GALNTL5: variants seen among roughly 807,000 people sequenced by gnomAD.
The protein encoded by GALNTL5 is polypeptide N-acetylgalactosaminyltransferase like 5.
In GALNTL5, 44 loss-of-function variants were observed where a neutral mutation model predicts 51.0. The observed-to-expected ratio is 0.86, with a 90% CI of 0.68 to 1.11. GALNTL5 has a LOEUF of 1.11. Ranked by LOEUF, GALNTL5 falls within the 50% of genes least tolerant of loss-of-function variation. The pLI is 0.00. For missense variants in GALNTL5, 528 were observed against 531.8 expected (o/e 0.99, Z 0.07); for synonymous variants, 192 against 182.8 (o/e 1.05, Z -0.41).
chr7:151,961,300 G>GA (rs34526438), intron 1 of GALNTL5, among the ~76,000 whole-genome samples: 4,816 of 151,738 alleles, frequency 0.032, 115 homozygotes, highest in South Asian at 0.088. Flanking sequence ...TCAGGAGTTC[G>GA]AAACCAGCCT....
rs769699726 is a variant in GALNTL5 at position 151,983,073 on chromosome 7, G to C, written c.456G>C (p.Gln152His). Residue 152 changes from glutamine (Q) to histidine (H), a missense_variant, in exon 4 of 9, where the codon CAG (glutamine) becomes CAC (histidine). By Grantham distance (24) the Gln-to-His change is conservative. Coordinates refer to ENST00000392800, the MANE Select transcript of GALNTL5 (RefSeq NM_145292.4). Reference protein sequence around the residue: ...FYNEECNALFQTMSSVTNLTP... With the variant: ...FYNEECNALFHTMSSVTNLTP... ...ATGAAGAATGTAATGCCTTGTTTCA[G>C]ACCATGTCCAGTGTCACGAACCTCA... 1.2e-6 allele frequency: 2 copies of C among 1,614,192 alleles called. No individual in the cohort carries two copies.
chr7:152,015,770 C>A (rs971872497), intron 8 of GALNTL5, among the ~76,000 whole-genome samples: 2 of 152,128 alleles, frequency 1.3e-5, no homozygotes, highest in African/African-American at 4.8e-5. Context: ...CGACCAACAG[C>A]CAAAGATTTC....
chr7:152,019,171 A>G (rs35995263), intron 8 of GALNTL5, among the ~76,000 whole-genome samples: 4,571 of 152,248 alleles, frequency 0.03, 99 homozygotes, highest in Non-Finnish European at 0.046. Flanking sequence ...TCGCAAGGGG[A>G]AGACTTGCCT....
chr7:151,961,615 A>G (rs1035249884), intron 1 of GALNTL5, among the ~76,000 whole-genome samples: 1 of 152,238 alleles, frequency 6.6e-6, no homozygotes, highest in Non-Finnish European at 1.5e-5. Context: ...TGAGCAAATC[A>G]GAGTGTGGGT....
chr7:151,971,142 G>GATAA (rs2081133016), intron 3 of GALNTL5, 77 bp downstream of exon 3: 3 of 1,188,802 alleles, frequency 2.5e-6, no homozygotes, highest in Admixed American at 2.1e-5. Flanking sequence ...TAGATAGAAA[G>GATAA]AAAACAGTTA....
intron 7 of GALNTL5, among the ~76,000 whole-genome samples, chr7:152,008,581 G>A (rs1371516603): frequency 6.7e-6 from 1 of 148,326 alleles, no homozygotes; most frequent in African/African-American, 2.5e-5. Context: ...TCCTTCTTTT[G>A]GCCAGTTATT....
chr7:152,009,183 A>C (rs751807317), intron 7 of GALNTL5, among the ~76,000 whole-genome samples: 2 of 152,156 alleles, frequency 1.3e-5, no homozygotes, highest in Non-Finnish European at 2.9e-5. Flanking sequence ...TAACCACGAC[A>C]AGTAACCTTG....
intron 3 of GALNTL5, among the ~76,000 whole-genome samples, chr7:151,975,013 G>T (rs544748674): frequency 4.6e-4 from 70 of 152,040 alleles, no homozygotes; most frequent in Non-Finnish European, 9.7e-4. Context: ...AGCCATTATT[G>T]TAATAGCCAT....
chr7:152,019,543 A>T, intron 8 of GALNTL5, 103 bp from the exon 9 acceptor site: 1 of 1,167,294 alleles, frequency 8.6e-7, no homozygotes. Context: ...GGGCTTTTTT[A>T]GTTCACATGA....
At chr7:152,005,833 A>G (rs1302020503) in intron 6 of GALNTL5, among the ~76,000 whole-genome samples, 3 of 152,214 alleles carry the variant, frequency 2.0e-5, no homozygotes, top group South Asian at 2.1e-4. Flanking sequence ...ATAACATGAT[A>G]TGACATTTAT....
At chr7:151,985,041 C>G (rs73161847) in intron 4 of GALNTL5, among the ~76,000 whole-genome samples, 31,329 of 152,092 alleles carry the variant, frequency 0.21, 3,911 homozygotes, top group Middle Eastern at 0.33. Flanking sequence ...GATGAGGGTG[C>G]CAGCAGGATC....
chr7:151,965,360 T>C (rs957882808), intron 1 of GALNTL5, among the ~76,000 whole-genome samples: 6 of 152,208 alleles, frequency 3.9e-5, no homozygotes, highest in African/African-American at 7.2e-5. Context: ...TTTATTCTTA[T>C]TCAGTTGAGT....
Position 152,002,944 on chromosome 7 carries a change from G to T in GALNTL5, c.889G>T (p.Gly297Ter). ...VFSYEMDGPE[G>*]STKPIRSPAM... ...CTCTTATGAGATGGATGGACCAGAA[G>T]GATCTACTAAACCAATCCGGTGAGA... The change falls in exon 6 of 9, where the codon GGA becomes TGA. Residue 297 changes from glycine (G) to a stop codon, truncating the protein, a stop_gained. Coordinates refer to ENST00000392800, the MANE Select transcript of GALNTL5 (RefSeq NM_145292.4). LOFTEE classifies it high-confidence loss of function. The T allele has an allele frequency of 2.5e-6, 4 of 1,614,028 alleles. No homozygotes were observed. Among genetic ancestry groups the T allele is most frequent in the Non-Finnish European group, 3.4e-6 (4 of 1,179,926 alleles).
chr7:151,974,346 T>C (rs572366241), intron 3 of GALNTL5, among the ~76,000 whole-genome samples: 27 of 152,356 alleles, frequency 1.8e-4, no homozygotes, highest in African/African-American at 6.5e-4. Flanking sequence ...GGTTCATCTA[T>C]GTTGTAGTGT....
intron 1 of GALNTL5, chr7:151,960,467 C>G (rs2080977838): frequency 6.6e-6 from 1 of 152,264 alleles, no homozygotes; most frequent in South Asian, 2.1e-4. Context: ...AACCATCATA[C>G]TAGGTCAAGT....
At chr7:151,988,365 A>G (rs2081387177) in intron 5 of GALNTL5, among the ~76,000 whole-genome samples, 1 of 152,212 alleles carries the variant, frequency 6.6e-6, no homozygotes, top group African/African-American at 2.4e-5. Flanking sequence ...GAATGTTGGC[A>G]GAACGCTGAG....
At chr7:151,998,064 C>T (rs1406657849) in intron 5 of GALNTL5, among the ~76,000 whole-genome samples, 3 of 152,046 alleles carry the variant, frequency 2.0e-5, no homozygotes, top group African/African-American at 4.8e-5. Context: ...AAAAAGTAGG[C>T]GAGTGTGTTG....
At chr7:152,011,441 T>C (rs1311664840) in intron 7 of GALNTL5, among the ~76,000 whole-genome samples, 1 of 152,254 alleles carries the variant, frequency 6.6e-6, no homozygotes, top group Non-Finnish European at 1.5e-5. Context: ...GCAGTCTTGG[T>C]TCACCTGATC....
At chr7:151,974,118 C>CTGGATTATTTTGCTT (rs1269407130) in intron 3 of GALNTL5, among the ~76,000 whole-genome samples, 142 of 67,502 alleles carry the variant, frequency 2.1e-3, no homozygotes, top group African/African-American at 7.4e-3. Context: ...TACCCAGTCT[C>CTGGATTATTTTGCTT]AGGTGGTATC....
Sources: gnomAD v4.1 joint callset for allele counts (sites outside exome capture counted in the v4.1 genomes callset) on GRCh38, gnomAD v4.1.1 for gene constraint, MANE v1.5 for transcripts, NCBI Gene and HGNC (gene_info 2026-07-23, HGNC 2026-07-21) for gene names.